The following LDB2 variants were observed in gnomAD, a reference collection of about 807,000 sequenced individuals.
The protein encoded by LDB2 is LIM domain binding 2.
In LDB2, 12 loss-of-function variants were observed where a neutral mutation model predicts 44.3. That is an observed-to-expected ratio of 0.27 (90% CI 0.17 to 0.44). LDB2 has a LOEUF of 0.44. Among genes scored for constraint, LDB2 ranks in the 20% least tolerant of loss-of-function variants. The pLI is 1.00. For synonymous variants in LDB2, 164 were observed against 174.8 expected, an observed-to-expected ratio of 0.94 and a Z score of 0.49; for missense variants, 344 against 473.5, an observed-to-expected ratio of 0.73 and a Z score of 2.54.
chr4:16,789,318 G>A lies in LDB2; in HGVS notation c.133-30058C>T, dbSNP rs551140158. On this transcript the variant is annotated intron_variant, in intron 1 of 7. Coordinates refer to ENST00000304523, the MANE Select transcript of LDB2 (RefSeq NM_001290.5). ...TGACAAATATTTATCAAAGGCCTAC[G>A]ATGAGTCAGATGTTGAACTAGGAGA... Among the ~76,000 whole-genome samples the A allele has an allele frequency of 2.6e-5, 4 of 152,276 alleles. No individual in the cohort carries two copies. In the South Asian group the frequency reaches 6.2e-4, roughly 24 times the overall value.
intron 5 of LDB2, among the ~76,000 whole-genome samples, chr4:16,550,905 A>G (rs1217855535): frequency 6.6e-6 from 1 of 152,242 alleles, no homozygotes; most frequent in Non-Finnish European, 1.5e-5. Flanking sequence ...TATTCCTATA[A>G]TACAACTCCT....
intron 1 of LDB2, among the ~76,000 whole-genome samples, chr4:16,873,872 A>G (rs957570086): frequency 2.0e-5 from 3 of 152,298 alleles, no homozygotes; most frequent in Admixed American, 6.5e-5. Flanking sequence ...TCTCATGTCA[A>G]TTGCAGGAAT....
intron 1 of LDB2, among the ~76,000 whole-genome samples, chr4:16,894,467 T>A (rs1724343105): frequency 6.6e-6 from 1 of 152,218 alleles, no homozygotes; most frequent in South Asian, 2.1e-4. Context: ...GCTAGCAGCA[T>A]TTAAAATATA....
intron 2 of LDB2, among the ~76,000 whole-genome samples, chr4:16,627,724 CTT>C (rs1005919518): frequency 6.6e-6 from 1 of 152,198 alleles, no homozygotes; most frequent in African/African-American, 2.4e-5. Context: ...AATCGCTTCT[CTT>C]TGTGTGTTGG....
At position 16,607,813 on chromosome 4, in the gene LDB2, G is replaced by A. The variant is rs529947758; in HGVS notation, c.236-11938C>T. On this transcript the variant is annotated intron_variant, in intron 2 of 7. Coordinates refer to ENST00000304523, the MANE Select transcript of LDB2 (RefSeq NM_001290.5). ...TTGTGATGTAAATAGCTACTTATGA[G>A]ATGTTTGGCAAGTGGATAAATGTGG... Among the ~76,000 whole-genome samples the A allele has an allele frequency of 2.0e-5, 3 of 152,278 alleles. No homozygotes were observed. In the East Asian group the frequency reaches 5.8e-4, roughly 29 times the overall value.
At chr4:16,863,025 G>C (rs1169526608) in intron 1 of LDB2, among the ~76,000 whole-genome samples, 1 of 152,152 alleles carries the variant, frequency 6.6e-6, no homozygotes, top group Non-Finnish European at 1.5e-5. Context: ...CATCGTTGGA[G>C]TCACAGAGGG....
At chr4:16,679,831 A>G (rs768810299) in intron 2 of LDB2, among the ~76,000 whole-genome samples, 1 of 152,244 alleles carries the variant, frequency 6.6e-6, no homozygotes, top group Non-Finnish European at 1.5e-5. Context: ...GCCAGAGCAC[A>G]GGGTCAGTGC....
intron 2 of LDB2, among the ~76,000 whole-genome samples, chr4:16,678,434 TC>T (rs1746895410): frequency 6.6e-6 from 1 of 152,162 alleles, no homozygotes; most frequent in Non-Finnish European, 1.5e-5. Context: ...TTTATGTGTG[TC>T]CCAATCATGG....
intron 1 of LDB2, among the ~76,000 whole-genome samples, chr4:16,897,916 A>ATATATATATATACACATATG (rs1725645838): frequency 1.2e-4 from 2 of 16,536 alleles, no homozygotes; most frequent in Non-Finnish European, 1.9e-4. Flanking sequence ...ATATATATAT[A>ATATATATATATACACATATG]TATATATATA....
intron 5 of LDB2, among the ~76,000 whole-genome samples, chr4:16,565,185 G>A (rs1411800873): frequency 6.6e-6 from 1 of 152,162 alleles, no homozygotes; most frequent in African/African-American, 2.4e-5. Flanking sequence ...ATCTGGTCTT[G>A]CCCAAGTTAC....
intron 1 of LDB2, among the ~76,000 whole-genome samples, chr4:16,843,818 T>G (rs937122157): frequency 2.0e-5 from 3 of 152,030 alleles, no homozygotes; most frequent in Non-Finnish European, 4.4e-5. Context: ...AGACAGGGTT[T>G]CACCATGTTG....
intron 2 of LDB2, among the ~76,000 whole-genome samples, chr4:16,618,573 A>G (rs143904935): frequency 2.6e-5 from 4 of 152,324 alleles, no homozygotes; most frequent in African/African-American, 9.6e-5. Flanking sequence ...ATATACAGTT[A>G]TTGACTGAAC....
rs575154008 is a variant in LDB2 at position 16,501,723 on chromosome 4, C to T, written c.*920G>A. 7.9e-5 allele frequency: 12 copies of T among 152,556 alleles called. No individual in the cohort carries two copies. Among genetic ancestry groups the T allele is most frequent in the East Asian group, 1.9e-4 (1 of 5,178 alleles). 9.5% of individuals were successfully genotyped at this position (152,556 alleles called of 1,614,324 possible). Reference sequence around the variant, plus strand: ...TAAATACACTGGAGTTGCCCAAAAACGAAAAGTCCCCATAAAAGAACCAGG... The same window carrying T: ...TAAATACACTGGAGTTGCCCAAAAATGAAAAGTCCCCATAAAAGAACCAGG... On this transcript the variant is annotated 3_prime_UTR_variant, in exon 8 of 8. Transcript: ENST00000304523.
intron 1 of LDB2, among the ~76,000 whole-genome samples, chr4:16,869,586 G>C (rs1463381200): frequency 6.6e-6 from 1 of 152,194 alleles, no homozygotes; most frequent in African/African-American, 2.4e-5. Context: ...TCTTCAGTTA[G>C]ATGACTTGGC....
chr4:16,762,535 C>T (rs114227220), intron 1 of LDB2, among the ~76,000 whole-genome samples: 6 of 152,036 alleles, frequency 3.9e-5, no homozygotes, highest in Admixed American at 6.6e-5. Context: ...GGAATGAATG[C>T]CCAGTGAAGG....
intron 1 of LDB2, among the ~76,000 whole-genome samples, chr4:16,772,427 A>T (rs1404751257): frequency 6.6e-6 from 1 of 152,346 alleles, no homozygotes; most frequent in Admixed American, 6.5e-5. Flanking sequence ...AGATAAATCT[A>T]TCAAGGAGAC....
chr4:16,894,876 T>C (rs1426310442), intron 1 of LDB2, among the ~76,000 whole-genome samples: 1 of 152,114 alleles, frequency 6.6e-6, no homozygotes, highest in Non-Finnish European at 1.5e-5. Context: ...AACTGGACCT[T>C]CAAGTTTTCT....
chr4:16,801,713 C>T (rs1777874099), intron 1 of LDB2, among the ~76,000 whole-genome samples: 1 of 152,110 alleles, frequency 6.6e-6, no homozygotes, highest in South Asian at 2.1e-4. Context: ...AACAGATCTA[C>T]CAAAAATTTC....
chr4:16,801,708 A>T (rs983199040), intron 1 of LDB2, among the ~76,000 whole-genome samples: 2 of 152,236 alleles, frequency 1.3e-5, no homozygotes, highest in Non-Finnish European at 2.9e-5. Flanking sequence ...AATTGAACAG[A>T]TCTACCAAAA....
Sources: allele counts gnomAD v4.1 joint callset (sites outside exome capture counted in the v4.1 genomes callset), GRCh38; gene constraint gnomAD v4.1.1; transcripts MANE v1.5; gene names NCBI Gene and HGNC (gene_info 2026-07-23, HGNC 2026-07-21).